The following MARCHF1 variants were observed in gnomAD, a reference collection of about 807,000 sequenced individuals.
MARCHF1 encodes the protein E3 ubiquitin-protein ligase MARCHF1.
Under a neutral mutation model 54.2 loss-of-function variants are expected in MARCHF1, and 40 were observed. The observed-to-expected ratio is 0.74, with a 90% CI of 0.57 to 0.96. The LOEUF (loss-of-function observed/expected upper bound fraction) is 0.96, where lower values mean the gene tolerates loss of function less well. MARCHF1 is among the 40% of genes least tolerant of loss of function. MARCHF1 has a pLI of 0.00. For missense variants in MARCHF1, 586 were observed against 656.5 expected (o/e 0.89, Z 1.17); for synonymous variants, 236 against 236.3 (o/e 1.00, Z 0.01).
chr4:164,045,223 G>A (rs1422861289), intron 2 of MARCHF1, among the ~76,000 whole-genome samples: 5 of 151,604 alleles, frequency 3.3e-5, no homozygotes, highest in Admixed American at 6.6e-5. Context: ...TTAAATTAAC[G>A]TTTTTTGGCC....
intron 3 of MARCHF1, among the ~76,000 whole-genome samples, chr4:163,984,141 T>C (rs913717142): frequency 6.6e-6 from 1 of 152,034 alleles, no homozygotes; most frequent in African/African-American, 2.4e-5. Context: ...TCCAGCTACT[T>C]TGAAAAACAA....
intron 4 of MARCHF1, among the ~76,000 whole-genome samples, chr4:163,792,102 C>T (rs990947107): frequency 1.6e-4 from 25 of 152,222 alleles, no homozygotes; most frequent in African/African-American, 6.0e-4. Context: ...TATCAACAAA[C>T]ATAACTTTTA....
At chr4:164,162,681 A>G (rs915748484) in intron 1 of MARCHF1, among the ~76,000 whole-genome samples, 2 of 152,158 alleles carry the variant, frequency 1.3e-5, no homozygotes, top group African/African-American at 4.8e-5. Context: ...TTCCAGAAGA[A>G]AATAAGGAAG....
At chr4:164,119,667 T>C (rs1756022081) in intron 1 of MARCHF1, among the ~76,000 whole-genome samples, 1 of 150,806 alleles carries the variant, frequency 6.6e-6, no homozygotes, top group Non-Finnish European at 1.5e-5. Flanking sequence ...GAATAACTTT[T>C]GAATAGTTGA....
intron 1 of MARCHF1, among the ~76,000 whole-genome samples, chr4:164,146,306 G>C (rs202076585): frequency 0.17 from 24,077 of 143,748 alleles, 3,047 homozygotes; most frequent in African/African-American, 0.37. Context: ...TTTCTTCACA[G>C]AATTGGAAAA....
chr4:163,934,722 T>G (rs1448704027), intron 3 of MARCHF1, among the ~76,000 whole-genome samples: 1 of 151,870 alleles, frequency 6.6e-6, no homozygotes, highest in Non-Finnish European at 1.5e-5. Flanking sequence ...AGTTACTTCC[T>G]CTCCTGAAGT....
intron 1 of MARCHF1, among the ~76,000 whole-genome samples, chr4:164,238,708 T>C (rs1732639749): frequency 6.6e-6 from 1 of 152,012 alleles, no homozygotes; most frequent in African/African-American, 2.4e-5. Flanking sequence ...AGAAATTATG[T>C]TTAATGAATA....
At chr4:163,676,348 A>T (rs1272167489) in intron 5 of MARCHF1, among the ~76,000 whole-genome samples, 6 of 148,124 alleles carry the variant, frequency 4.1e-5, no homozygotes, top group Non-Finnish European at 8.9e-5. Context: ...CAAGAGCAAA[A>T]CTCTGTCTCA....
chr4:163,882,635 C>G (rs1750442067), intron 3 of MARCHF1, among the ~76,000 whole-genome samples: 4 of 152,102 alleles, frequency 2.6e-5, no homozygotes, highest in Admixed American at 2.6e-4. Flanking sequence ...TCTTTTTCCT[C>G]TCACTTTAAA....
intron 1 of MARCHF1, among the ~76,000 whole-genome samples, chr4:164,160,570 T>C (rs1730205707): frequency 2.6e-5 from 4 of 152,170 alleles, no homozygotes; most frequent in African/African-American, 9.7e-5. Context: ...TTATAAAATG[T>C]TTTGCATTTA....
At chr4:163,716,424 C>G (rs188819302) in intron 4 of MARCHF1, among the ~76,000 whole-genome samples, 363 of 152,264 alleles carry the variant, frequency 2.4e-3, no homozygotes, top group Non-Finnish European at 4.0e-3. Context: ...GGTGTTGATG[C>G]TAGACAGAAT....
At chr4:163,725,285 G>A (rs1449628461) in intron 4 of MARCHF1, among the ~76,000 whole-genome samples, 1 of 152,022 alleles carries the variant, frequency 6.6e-6, no homozygotes, top group Admixed American at 6.6e-5. Flanking sequence ...GGCATAGTGT[G>A]GGCAACATGG....
At chr4:163,661,253 C>G (rs1036789332) in intron 5 of MARCHF1, among the ~76,000 whole-genome samples, 1 of 151,976 alleles carries the variant, frequency 6.6e-6, no homozygotes, top group East Asian at 1.9e-4. Context: ...CTATGATCTT[C>G]CCTGAAATTC....
In MARCHF1 at chr4:164,051,394, T is replaced by C. The variant is rs556868852; in HGVS notation, c.-248+60194A>G. Among the ~76,000 whole-genome samples the C allele has an allele frequency of 9.2e-5, 14 of 152,270 alleles. No homozygotes were observed. In the South Asian group the frequency reaches 2.7e-3, roughly 29 times the overall value. Reference sequence around the variant, plus strand: ...ACTTTAGAATACATTATATACAATATGCTTTGTGTGTGTCTGTGTGTGTGT... The same window carrying C: ...ACTTTAGAATACATTATATACAATACGCTTTGTGTGTGTCTGTGTGTGTGT... On this transcript the variant is annotated intron_variant, in intron 2 of 9. Coordinates refer to ENST00000514618, the MANE Select transcript of MARCHF1 (RefSeq NM_001394959.1).
chr4:163,811,133 C>T (rs867046990), intron 4 of MARCHF1, among the ~76,000 whole-genome samples: 11 of 152,240 alleles, frequency 7.2e-5, no homozygotes, highest in African/African-American at 2.6e-4. Context: ...TCTGGAGCTG[C>T]TTCTTTCTTG....
intron 5 of MARCHF1, among the ~76,000 whole-genome samples, chr4:163,666,245 T>C (rs916602938): frequency 6.6e-6 from 1 of 152,120 alleles, no homozygotes; most frequent in Admixed American, 6.6e-5. Flanking sequence ...TTTGATAAAG[T>C]TTTGACCTTG....
rs542786364 is a variant in MARCHF1 at position 164,278,104 on chromosome 4, A to T, written c.-323+105766T>A. Among the ~76,000 whole-genome samples, 22 of 152,326 alleles carry T rather than the reference A, an allele frequency of 1.4e-4. No individual in the cohort carries two copies. The South Asian group carries it at 4.6e-3, about 32-fold the overall frequency. The stretch of plus-strand genomic sequence containing the variant: ...CAAGGCAGGATTACTTGAGCCCAGA[A>T]ATTCCAGACCAGCCTGAGAACCTGG... On this transcript the variant is annotated intron_variant, in intron 1 of 9. Coordinates refer to ENST00000514618, the MANE Select transcript of MARCHF1 (RefSeq NM_001394959.1).
chr4:164,232,262 C>T (rs564322244), intron 1 of MARCHF1, among the ~76,000 whole-genome samples: 5 of 152,164 alleles, frequency 3.3e-5, no homozygotes, highest in African/African-American at 7.2e-5. Flanking sequence ...AGTTATCACA[C>T]GACATTTATG....
rs569429222 is a variant in MARCHF1, at chr4:163,957,462, G to A, written c.-39+31039C>T. On this transcript the variant is annotated intron_variant, in intron 3 of 9. Transcript: ENST00000514618. ...CAAAAGTTCTTATCAAGAATGCTTT[G>A]TTTTGCTGTCAAAAGCTTAGCTTTT... Among the ~76,000 whole-genome samples the A allele has an allele frequency of 4.6e-5, 7 of 152,030 alleles. No homozygotes were observed. The East Asian group carries it at 1.2e-3, about 25-fold the overall frequency.
Sources: gnomAD v4.1 joint callset for allele counts (sites outside exome capture counted in the v4.1 genomes callset) on GRCh38, gnomAD v4.1.1 for gene constraint, MANE v1.5 for transcripts, NCBI Gene and HGNC (gene_info 2026-07-23, HGNC 2026-07-21) for gene names.